CYP51A1: variants seen among roughly 807,000 people sequenced by gnomAD.
CYP51A1 encodes the protein lanosterol 14-alpha demethylase.
CYP51A1 carries 45 observed loss-of-function variants against 53.5 expected under a neutral mutation model. The ratio of observed to expected loss-of-function variants is 0.84; its 90% CI spans 0.66 to 1.08. The LOEUF (loss-of-function observed/expected upper bound fraction) is 1.08. Among genes scored for constraint, CYP51A1 ranks in the 50% least tolerant of loss-of-function variants. CYP51A1 has a pLI of 0.00. For missense variants in CYP51A1, 462 were observed against 621.7 expected, an observed-to-expected ratio of 0.74 and a Z score of 2.73; for synonymous variants, 181 against 217.7, an observed-to-expected ratio of 0.83 and a Z score of 1.48.
intron 6 of CYP51A1, 21 bp downstream of exon 6, chr7:92,123,713 T>C (rs1262957822): frequency 1.3e-6 from 2 of 1,580,596 alleles, no homozygotes; most frequent in Admixed American, 1.9e-5. Flanking sequence ...CAGCTTAATA[T>C]GTTATCTGAA....
At chr7:92,124,745 G>C (rs969449018) in intron 5 of CYP51A1, among the ~76,000 whole-genome samples, 2 of 152,136 alleles carry the variant, frequency 1.3e-5, no homozygotes, top group Non-Finnish European at 2.9e-5. Flanking sequence ...AAATTAGTTG[G>C]TATGAGTAGA....
At chr7:92,133,569 G>C (rs1436180412) in intron 1 of CYP51A1, among the ~76,000 whole-genome samples, 1 of 152,180 alleles carries the variant, frequency 6.6e-6, no homozygotes, top group African/African-American at 2.4e-5. Context: ...TCCCGGCCGA[G>C]AAACTGTTAC....
chr7:92,127,767 A>C, intron 3 of CYP51A1, 136 bp from the exon 4 acceptor site: 1 of 800,306 alleles, frequency 1.2e-6, no homozygotes, highest in Non-Finnish European at 2.0e-6. Flanking sequence ...ACATTTTAAG[A>C]GTCTAAATGA....
Position 92,134,168 on chromosome 7 carries a change from C to T in CYP51A1, c.192+5G>A. 1 of 1,611,238 alleles carries T rather than the reference C, an allele frequency of 6.2e-7. No homozygotes were observed. Among genetic ancestry groups the T allele is most frequent in the Non-Finnish European group, 8.5e-7 (1 of 1,179,548 alleles). ...CCCCACTCAGACCCTAAAGAATGTA[C>T]GTACCACCCCTGCGGGCAGCTGGAC... is the stretch of plus-strand genomic sequence containing the variant. On this transcript the variant is annotated splice_donor_5th_base_variant and intron_variant, in intron 1 of 9. Coordinates refer to ENST00000003100, the MANE Select transcript of CYP51A1 (RefSeq NM_000786.4).
rs992248889 is a variant in CYP51A1, at chr7:92,112,343, C to T, written c.*1322G>A. The T allele has an allele frequency of 2.0e-5, 3 of 152,144 alleles. No individual in the cohort carries two copies. The highest frequency in any genetic ancestry group is 4.4e-5 in the Non-Finnish European group (3 of 68,032). The allele number at this position is 152,144 out of a possible 1,614,324, so 9.4% of individuals were successfully genotyped here. The stretch of plus-strand genomic sequence containing the variant: ...TCTCATATAGTTAGGCCCCGAGTTA[C>T]AATTTGAGATAAGTTGATTCCTAAA... On this transcript the variant is annotated 3_prime_UTR_variant, in exon 10 of 10. Coordinates refer to ENST00000003100, the MANE Select transcript of CYP51A1 (RefSeq NM_000786.4).
Position 92,113,752 on chromosome 7 carries a change from A to T in CYP51A1, c.1443T>A (p.Ile481=). 1 of 1,613,248 alleles carries T rather than the reference A, an allele frequency of 6.2e-7. No homozygotes were observed. Among genetic ancestry groups the T allele is most frequent in the Non-Finnish European group, 8.5e-7 (1 of 1,179,494 alleles). ...TMLRLYEFDL[I]DGYFPTVNYT... ...AATTCACAGTGGGAAAGTATCCATC[A>T]ATGAGATCAAATTCATATAAACGAA... is the stretch of plus-strand genomic sequence containing the variant. Residue 481 remains isoleucine (I), a synonymous_variant, in exon 10 of 10, where the codon ATT becomes ATA. Transcript: ENST00000003100.
intron 7 of CYP51A1, among the ~76,000 whole-genome samples, chr7:92,118,818 T>C (rs1388974982): frequency 2.0e-5 from 3 of 152,168 alleles, no homozygotes; most frequent in Non-Finnish European, 2.9e-5. Flanking sequence ...GCGATTGCCC[T>C]GAAGAATGAA....
rs983690882 is a variant in CYP51A1 at position 92,126,172 on chromosome 7, C to A, written c.770+81G>T. On this transcript the variant is annotated intron_variant, in intron 5 of 9. Transcript: ENST00000003100. ...TATGTTTTACTTGTTTAATTTTTAT[C>A]TTTGTTAAGGCAAAGCATACCAACA... 9.2e-6 allele frequency: 9 copies of A among 973,094 alleles called. No homozygotes were observed. In the East Asian group the frequency reaches 2.6e-4, roughly 28 times the overall value. The allele number at this position is 973,094 out of a possible 1,614,324, so 60.3% of individuals were successfully genotyped here.
At chr7:92,117,429 A>AG (rs1483910840) in intron 8 of CYP51A1, 3 of 385,802 alleles carry the variant, frequency 7.8e-6, no homozygotes, top group African/African-American at 6.2e-5. Flanking sequence ...AAAACTGGCT[A>AG]GATAATAGGC....
At chr7:92,126,482 T>C in intron 4 of CYP51A1, 55 bp from the exon 5 acceptor site, 1 of 1,452,134 alleles carries the variant, frequency 6.9e-7, no homozygotes, top group Middle Eastern at 1.9e-4. Flanking sequence ...TGAAAGAAAA[T>C]TGAGAATTAA....
At chr7:92,127,378 C>T in intron 4 of CYP51A1, 127 bp downstream of exon 4, 1 of 820,880 alleles carries the variant, frequency 1.2e-6, no homozygotes, top group Non-Finnish European at 1.9e-6. Context: ...ACATAACCCT[C>T]CCATAAATCT....
chr7:92,133,928 C>T (rs1819981371), intron 1 of CYP51A1, among the ~76,000 whole-genome samples: 1 of 152,238 alleles, frequency 6.6e-6, no homozygotes, highest in Non-Finnish European at 1.5e-5. Flanking sequence ...GGGAGGCCAG[C>T]ACCGCCCCCC....
In CYP51A1 at chr7:92,130,402, T is replaced by A. The variant is rs57760749; in HGVS notation, c.292-1346A>T. Among the ~76,000 whole-genome samples the A allele has an allele frequency of 7.1e-3, 1,079 of 152,298 alleles. 44 individuals are homozygous for A. The East Asian group carries it at 0.13, about 18-fold the overall frequency. ...CTTAATGACTTGTTTTCCATTATTGTTATCATTAATAAAAGTATAGGCTCA... is the reference window on the plus strand; with the variant it reads ...CTTAATGACTTGTTTTCCATTATTGATATCATTAATAAAAGTATAGGCTCA... On this transcript the variant is annotated intron_variant, in intron 2 of 9. Transcript: ENST00000003100.
chr7:92,127,466 A>C (rs941890404), intron 4 of CYP51A1, 39 bp downstream of exon 4: 1 of 1,582,076 alleles, frequency 6.3e-7, no homozygotes. Flanking sequence ...TTCACAGAGA[A>C]GTAGAAATGT....
At position 92,128,930 on chromosome 7, in the gene CYP51A1, G is replaced by A. The variant is rs1819864003; in HGVS notation, c.418C>T (p.Leu140=). The change falls in exon 3 of 10, where the codon CTG becomes TTG. Residue 140 remains leucine, a synonymous_variant. Coordinates refer to ENST00000003100, the MANE Select transcript of CYP51A1 (RefSeq NM_000786.4). The stretch of plus-strand genomic sequence containing the variant: ...CCCTTCCCAAACACAGGTGTTGTCA[G>A]GCGACTGTAGACATCTTCTGCATTC... The part of the protein sequence containing the change: ...DLNAEDVYSR[L]TTPVFGKGVA... 2 of 1,612,314 alleles carry A rather than the reference G, an allele frequency of 1.2e-6. No individual in the cohort carries two copies. Among genetic ancestry groups the A allele is most frequent in the African/African-American group, 2.7e-5 (2 of 74,866 alleles).
At position 92,123,267 on chromosome 7, in the gene CYP51A1, T is replaced by G; in HGVS notation, c.939A>C (p.Gly313=). 1 of 1,614,068 alleles carries G rather than the reference T, an allele frequency of 6.2e-7. No individual in the cohort carries two copies. Among genetic ancestry groups the G allele is most frequent in the Non-Finnish European group, 8.5e-7 (1 of 1,179,938 alleles). Reference sequence around the variant, plus strand: ...ATGTATGCTGCCCTGCCAAGAGTAATCCAATAAGCATCCCTGCTACTTCAT... The same window carrying G: ...ATGTATGCTGCCCTGCCAAGAGTAAGCCAATAAGCATCCCTGCTACTTCAT... ...TDDEVAGMLI[G]LLLAGQHTSS... Residue 313 remains glycine (G), a synonymous_variant, in exon 7 of 10, where the codon GGA becomes GGC. Transcript: ENST00000003100.
At position 92,118,555 on chromosome 7, in the gene CYP51A1, T is replaced by A. The variant is rs150090274; in HGVS notation, c.1147A>T (p.Ile383Leu). Reference sequence around the variant, plus strand: ...CTGGCCATTCTCATCATGATCATTATAGGAGGTCTAAGTCTTAATGTTTCT... The same window carrying A: ...CTGGCCATTCTCATCATGATCATTAAAGGAGGTCTAAGTCTTAATGTTTCT... Reference protein sequence around the residue: ...IKETLRLRPPIMIMMRMARTP... With the variant: ...IKETLRLRPPLMIMMRMARTP... The change falls in exon 8 of 10, where the codon ATA becomes TTA. Residue 383 changes from isoleucine to leucine, a missense_variant. Physicochemically the swap from Ile to Leu is conservative, Grantham distance 5. Coordinates refer to ENST00000003100, the MANE Select transcript of CYP51A1 (RefSeq NM_000786.4). 2.9e-5 allele frequency: 47 copies of A among 1,600,064 alleles called. No homozygotes were observed. The highest frequency in any genetic ancestry group is 2.0e-4 in the Middle Eastern group (1 of 5,106).
At chr7:92,114,387 G>C (rs1486584334) in intron 9 of CYP51A1, among the ~76,000 whole-genome samples, 1 of 152,156 alleles carries the variant, frequency 6.6e-6, no homozygotes, top group Non-Finnish European at 1.5e-5. Context: ...TGAGTTGGAG[G>C]ACATAAAACT....
chr7:92,120,373 T>C (rs1030559095), intron 7 of CYP51A1, among the ~76,000 whole-genome samples: 3 of 152,228 alleles, frequency 2.0e-5, no homozygotes, highest in Middle Eastern at 3.2e-3. Context: ...AACTACGTAA[T>C]GGCATCAGAC....
Sources: allele counts gnomAD v4.1 joint callset (sites outside exome capture counted in the v4.1 genomes callset), GRCh38; gene constraint gnomAD v4.1.1; transcripts MANE v1.5; gene names NCBI Gene and HGNC (gene_info 2026-07-23, HGNC 2026-07-21).